The following GUCY2D variants were observed in gnomAD, a reference collection of about 807,000 sequenced individuals.
The protein encoded by GUCY2D is guanylate cyclase 2D, retinal, also known as retinal guanylyl cyclase 1.
GUCY2D carries 70 observed loss-of-function variants against 101.3 expected under a neutral mutation model. That is an observed-to-expected ratio of 0.69 (90% CI 0.57 to 0.84). GUCY2D has a LOEUF of 0.84. Among genes scored for constraint, GUCY2D ranks in the 40% least tolerant of loss-of-function variants. The pLI is 0.00. For missense variants in GUCY2D, 1,460 were observed against 1,542.5 expected, an observed-to-expected ratio of 0.95 and a Z score of 0.90; for synonymous variants, 688 against 670.7, an observed-to-expected ratio of 1.03 and a Z score of -0.40.
chr17:8,019,950 C>T (rs1243082508), intron 19 of GUCY2D, among the ~76,000 whole-genome samples, 178 bp from the exon 20 acceptor site: 1 of 152,182 alleles, frequency 6.6e-6, no homozygotes, highest in Non-Finnish European at 1.5e-5. Context: ...CGCCAGGAGC[C>T]CACACTTGCG....
Position 8,016,003 on chromosome 17 carries a change from A to G in GUCY2D, c.3120A>G (p.Arg1040=), listed in dbSNP as rs1387521705. 6.2e-7 allele frequency: 1 copy of G among 1,609,294 alleles called. No homozygotes were observed. Among genetic ancestry groups the G allele is most frequent in the South Asian group, 1.1e-5 (1 of 90,062 alleles). The part of the protein sequence containing the change: ...ALDSGYQVEL[R]GRTELKGKGA... ...ACTCGGGCTACCAGGTGGAGCTGCG[A>G]GGCCGCACGGAGCTGAAGGTGAGGC... Residue 1040 remains arginine, a synonymous_variant, in exon 17 of 20, where the codon CGA becomes CGG. Coordinates refer to ENST00000254854, the MANE Select transcript of GUCY2D (RefSeq NM_000180.4).
rs1267547204 is a variant in GUCY2D, at chr17:8,008,137, C to T, written c.1668+105C>T. On this transcript the variant is annotated intron_variant, in intron 7 of 19. Transcript: ENST00000254854. ...GGAGGACATGTAGTCATGTCAAATC[C>T]TGCAGGCTCCAGGAGATGGGGGATG... 6 of 756,354 alleles carry T rather than the reference C, an allele frequency of 7.9e-6. No homozygotes were observed. In the African/African-American group the frequency reaches 1.0e-4, roughly 13 times the overall value. 46.9% of individuals were successfully genotyped at this position (756,354 alleles called of 1,614,324 possible). A position where few individuals can be genotyped will look rare whatever the true frequency, so the allele number is the denominator to read the frequency against.
In GUCY2D at chr17:8,011,293, C is replaced by T. The variant is rs1339382300; in HGVS notation, c.1750-851C>T. On this transcript the variant is annotated intron_variant, in intron 8 of 19. Transcript: ENST00000254854. This position sits in a 1 kb window ranked among gnomAD's most constrained non-coding sequence, Gnocchi z 4.3. ...ATTCGGGAGGCTGAGACGGGAGAAT[C>T]GCTTGAGCTCAGGATGCGGAGGTTG... 6.6e-6 allele frequency among the ~76,000 whole-genome samples: 1 copy of T among 152,060 alleles called. No homozygotes were observed.
Position 8,003,195 on chromosome 17 carries a change from C to A in GUCY2D, c.148C>A (p.Leu50Ile), listed in dbSNP as rs760016257. ...LLLLLLQPPA[L>I]SAVFTVGVLG... Reference sequence around the variant, plus strand: ...CCTGCTTCTGCTGCAGCCCCCCGCCCTCTCCGCCGTGTTCACGGTGGGGGT... The same window carrying A: ...CCTGCTTCTGCTGCAGCCCCCCGCCATCTCCGCCGTGTTCACGGTGGGGGT... The change falls in exon 2 of 20, where the codon CTC becomes ATC. Residue 50 changes from leucine (L) to isoleucine (I), a missense_variant. Coordinates refer to ENST00000254854, the MANE Select transcript of GUCY2D (RefSeq NM_000180.4). The A allele has an allele frequency of 2.0e-6, 3 of 1,519,750 alleles. No individual in the cohort carries two copies. Among genetic ancestry groups the A allele is most frequent in the Non-Finnish European group, 2.6e-6 (3 of 1,139,508 alleles). The allele number at this position is 1,519,750 out of a possible 1,614,324, so 94.1% of individuals were successfully genotyped here. A position where few individuals can be genotyped will look rare whatever the true frequency, so the allele number is the denominator to read the frequency against.
Position 8,014,695 on chromosome 17 carries a change from G to C in GUCY2D, c.2507G>C (p.Arg836Pro), listed in dbSNP as rs760126408. 1.9e-6 allele frequency: 3 copies of C among 1,614,068 alleles called. No individual in the cohort carries two copies. Among genetic ancestry groups the C allele is most frequent in the Middle Eastern group, 1.6e-4 (1 of 6,062 alleles). ...QYSSNLEDLI[R>P]ERTEELELEK... Reference sequence around the variant, plus strand: ...TCTAGTAACCTGGAGGATCTGATCCGGGAGCGCACGGAGGAGCTGGAGCTG... The same window carrying C: ...TCTAGTAACCTGGAGGATCTGATCCCGGAGCGCACGGAGGAGCTGGAGCTG... The change falls in exon 13 of 20, where the codon CGG becomes CCG. Residue 836 changes from arginine to proline, a missense_variant. By Grantham distance (103) the Arg-to-Pro change is moderately radical (BLOSUM62 -2). This residue lies in a region of GUCY2D where 1,196 missense variants were observed against 1,229.6 expected (regional missense o/e 0.97). Coordinates refer to ENST00000254854, the MANE Select transcript of GUCY2D (RefSeq NM_000180.4). This position sits in a 1 kb window ranked among gnomAD's most constrained non-coding sequence, Gnocchi z 4.0.
intron 3 of GUCY2D, among the ~76,000 whole-genome samples, chr17:8,004,821 C>G (rs556475744): frequency 6.6e-6 from 1 of 152,228 alleles, no homozygotes; most frequent in Non-Finnish European, 1.5e-5. Flanking sequence ...GTCCAACTCA[C>G]AGGCGGCTGC....
chr17:8,016,083 G>C (rs1447840403), intron 17 of GUCY2D, 62 bp downstream of exon 17: 5 of 1,464,874 alleles, frequency 3.4e-6, no homozygotes, highest in Admixed American at 1.9e-5. Context: ...CGCCCATCCC[G>C]GGCCGCGGCT....
chr17:8,005,939 C>T (rs1327660844), intron 3 of GUCY2D, among the ~76,000 whole-genome samples: 1 of 151,818 alleles, frequency 6.6e-6, no homozygotes, highest in Non-Finnish European at 1.5e-5. Context: ...AAAATAGAAG[C>T]CAACCAAAAG....
At position 8,003,557 on chromosome 17, in the gene GUCY2D, T is replaced by C. The variant is rs753886745; in HGVS notation, c.510T>C (p.Asp170=). The C allele has an allele frequency of 2.2e-5, 34 of 1,573,142 alleles. No homozygotes were observed. Among genetic ancestry groups the C allele is most frequent in the Non-Finnish European group, 2.9e-5 (34 of 1,167,778 alleles). ...TTAPAVTPAA[D]ALYALLRAFG... ...CCCCTGCCGTGACCCCCGCCGCGGATGCCCTCTACGCCCTGCTTCGCGCAT... is the reference window on the plus strand; with the variant it reads ...CCCCTGCCGTGACCCCCGCCGCGGACGCCCTCTACGCCCTGCTTCGCGCAT... The change falls in exon 2 of 20, where the codon GAT becomes GAC. Residue 170 remains aspartate, a synonymous_variant. Transcript: ENST00000254854.
At chr17:8,015,634 T>G in intron 15 of GUCY2D, 109 bp from the exon 16 acceptor site, 1 of 1,172,542 alleles carries the variant, frequency 8.5e-7, no homozygotes, top group Non-Finnish European at 1.2e-6. Flanking sequence ...TAACAAGGCT[T>G]ATTTGGGGGG....
chr17:8,007,011 C>A, intron 4 of GUCY2D, 49 bp from the exon 5 acceptor site: 2 of 1,458,516 alleles, frequency 1.4e-6, no homozygotes, highest in Non-Finnish European at 1.9e-6. Flanking sequence ...AGAGAAGAGG[C>A]CTCCCCTGGC....
In GUCY2D at chr17:8,012,482, T is replaced by G; in HGVS notation, c.1989T>G (p.Ala663=). The change falls in exon 10 of 20, where the codon GCT becomes GCG. Residue 663 remains alanine, a synonymous_variant. Transcript: ENST00000254854. ...GGTATCTGCACCATCGAGGCGTGGC[T>G]CATGGGCGGCTGAAGTCACGGAACT... The part of the protein sequence containing the change: ...GIRYLHHRGV[A]HGRLKSRNCI... 1 of 1,614,072 alleles carries G rather than the reference T, an allele frequency of 6.2e-7. No homozygotes were observed. Among genetic ancestry groups the G allele is most frequent in the Non-Finnish European group, 8.5e-7 (1 of 1,179,988 alleles).
chr17:8,003,446 C>T lies in GUCY2D; in HGVS notation c.399C>T (p.Cys133=). 6.6e-7 allele frequency: 1 copy of T among 1,518,438 alleles called. No homozygotes were observed. The highest frequency in any genetic ancestry group is 8.8e-7 in the Non-Finnish European group (1 of 1,139,844). 94.1% of individuals were successfully genotyped at this position (1,518,438 alleles called of 1,614,324 possible). ...TGGGTCCGGTGAACCCTGCGGCCTGCCGGCCAGCCGAGCTGCTCGCCGAAG... is the reference window on the plus strand; with the variant it reads ...TGGGTCCGGTGAACCCTGCGGCCTGTCGGCCAGCCGAGCTGCTCGCCGAAG... ...GLVGPVNPAA[C]RPAELLAEEA... The change falls in exon 2 of 20, where the codon TGC becomes TGT. Residue 133 remains cysteine (C), a synonymous_variant. Coordinates refer to ENST00000254854, the MANE Select transcript of GUCY2D (RefSeq NM_000180.4).
At position 8,014,571 on chromosome 17, in the gene GUCY2D, G is replaced by T; in HGVS notation, c.2413-30G>T. The T allele has an allele frequency of 1.2e-6, 2 of 1,613,026 alleles. No individual in the cohort carries two copies. ...GAGGGCATGGCAACCCAGGTCTTCA[G>T]CAGCTTTACCAGCTTCCTTCTACTG... On this transcript the variant is annotated intron_variant, in intron 12 of 19. Coordinates refer to ENST00000254854, the MANE Select transcript of GUCY2D (RefSeq NM_000180.4). This position sits in a 1 kb window ranked among gnomAD's most constrained non-coding sequence, Gnocchi z 4.0.
intron 7 of GUCY2D, among the ~76,000 whole-genome samples, chr17:8,008,295 A>G (rs773403637): frequency 2.3e-4 from 35 of 152,272 alleles, no homozygotes; most frequent in Non-Finnish European, 2.4e-4. Context: ...ACAGTGACCC[A>G]GAGACTGGAG....
chr17:8,019,174 TG>T (rs555903665), intron 19 of GUCY2D, among the ~76,000 whole-genome samples: 319 of 152,322 alleles, frequency 2.1e-3, no homozygotes, highest in African/African-American at 6.8e-3. Flanking sequence ...TCTCTGGCCT[TG>T]GACCTGACTG....
intron 4 of GUCY2D, 91 bp downstream of exon 4, chr17:8,006,805 G>A (rs2151800673): frequency 5.1e-6 from 6 of 1,169,850 alleles, no homozygotes; most frequent in South Asian, 2.6e-5. Context: ...CCTGTAATCC[G>A]TCTTCGATGC....
In GUCY2D at chr17:8,013,778, G is replaced by C; in HGVS notation, c.2264-102G>C. On this transcript the variant is annotated intron_variant, in intron 11 of 19. Coordinates refer to ENST00000254854, the MANE Select transcript of GUCY2D (RefSeq NM_000180.4). This position sits in a 1 kb window ranked among gnomAD's most constrained non-coding sequence, Gnocchi z 5.0. ...CTCTGATGTAAAGAAACCCCTGCCA[G>C]GCACCCCCTCCCACATCTTGGTCTT... 1 of 923,232 alleles carries C rather than the reference G, an allele frequency of 1.1e-6. No individual in the cohort carries two copies. The highest frequency in any genetic ancestry group is 2.4e-5 in the East Asian group (1 of 41,624). 57.2% of individuals were successfully genotyped at this position (923,232 alleles called of 1,614,324 possible).
rs34331388 is a variant in GUCY2D, at chr17:8,013,153, C to T, written c.2164C>T (p.Arg722Trp). Residue 722 changes from arginine (R) to tryptophan (W), a missense_variant, in exon 11 of 20, where the codon CGG becomes TGG. Arg to Trp is a moderately radical substitution (Grantham distance 101). Transcript: ENST00000254854. The surrounding 1 kb of genome is among the most constrained non-coding windows in gnomAD (Gnocchi z 5.0). ...GCTTAGGGACCCAGCCCTGGAGCGC[C>T]GGGGAACGCTGGCCGGCGACGTCTT... ...ELLRDPALER[R>W]GTLAGDVFSL... The T allele has an allele frequency of 2.1e-4, 346 of 1,613,816 alleles. 1 individual carries two copies. In the African/African-American group the frequency reaches 3.2e-3, roughly 15 times the overall value.
Sources: allele counts gnomAD v4.1 joint callset (sites outside exome capture counted in the v4.1 genomes callset), GRCh38; gene constraint gnomAD v4.1.1; regional missense constraint gnomAD v4.1.1; non-coding constraint Gnocchi (gnomAD v3.1); transcripts MANE v1.5; gene names NCBI Gene and HGNC (gene_info 2026-07-23, HGNC 2026-07-21).